Variants in RBM26 observed in about 807,000 individuals in gnomAD.
RBM26 encodes the protein RNA-binding protein 26.
Under a neutral mutation model 123.6 loss-of-function variants are expected in RBM26, and 30 were observed. The observed-to-expected ratio is 0.24, with a 90% CI of 0.18 to 0.33. The LOEUF is 0.33. Ranked by LOEUF, RBM26 falls within the 10% of genes least tolerant of loss-of-function variation. The pLI, the probability that RBM26 is intolerant of heterozygous loss-of-function variation, is 1.00. For missense variants in RBM26, 947 were observed against 1,203.6 expected (o/e 0.79, Z 3.15); for synonymous variants, 400 against 404.4 (o/e 0.99, Z 0.13).
At chr13:79,390,459 AGAAAT>A (rs1425148720) in intron 1 of RBM26, among the ~76,000 whole-genome samples, 7 of 152,194 alleles carry the variant, frequency 4.6e-5, no homozygotes, top group Non-Finnish European at 8.8e-5. Context: ...GCATGGGAAA[AGAAAT>A]GAGTAAATTT....
At chr13:79,320,751 AAAAAAG>A in intron 21 of RBM26, 41 bp from the exon 22 acceptor site, 1 of 1,460,280 alleles carries the variant, frequency 6.8e-7, no homozygotes, top group South Asian at 1.3e-5. Context: ...CCAAAAAAAA[AAAAAAG>A]AAAAGAAAAA....
At chr13:79,327,449 C>T (rs12875039) in intron 20 of RBM26, among the ~76,000 whole-genome samples, 72,577 of 151,792 alleles carry the variant, frequency 0.48, 17,936 homozygotes, top group East Asian at 0.72. Flanking sequence ...CTATTATTAT[C>T]GATGTTTTTA....
At chr13:79,316,359 C>A (rs895414723), downstream of RBM26, among the ~76,000 whole-genome samples, 2 of 151,544 alleles carry the variant, frequency 1.3e-5, no homozygotes, top group Non-Finnish European at 3.0e-5. Flanking sequence ...TCTAAAATAG[C>A]CAGTGATATT....
chr13:79,393,618 A>C (rs1033795003), intron 1 of RBM26, among the ~76,000 whole-genome samples: 3 of 152,004 alleles, frequency 2.0e-5, no homozygotes, highest in Non-Finnish European at 4.4e-5. Flanking sequence ...CAACCCCCAT[A>C]CAGTTTTCTT....
At chr13:79,370,551 G>A (rs982078461) in intron 5 of RBM26, among the ~76,000 whole-genome samples, 2 of 152,178 alleles carry the variant, frequency 1.3e-5, no homozygotes, top group Non-Finnish European at 2.9e-5. Flanking sequence ...ATGAACCTTT[G>A]TGAACAAACA....
intron 18 of RBM26, among the ~76,000 whole-genome samples, chr13:79,340,736 A>G (rs2139075000): frequency 6.6e-6 from 1 of 152,104 alleles, no homozygotes; most frequent in East Asian, 1.9e-4. Flanking sequence ...AGTTCTCAAT[A>G]TAGTTCTCCA....
chr13:79,333,926 G>A (rs544550611), intron 20 of RBM26, among the ~76,000 whole-genome samples: 1 of 152,252 alleles, frequency 6.6e-6, no homozygotes, highest in South Asian at 2.1e-4. Flanking sequence ...CCAGGAAGCA[G>A]TAGATGAGGA....
At position 79,358,423 on chromosome 13, in the gene RBM26, T is replaced by C; in HGVS notation, c.1540A>G (p.Asn514Asp). The change falls in exon 11 of 22, where the codon AAT (asparagine) becomes GAT (aspartate). Residue 514 changes from asparagine (N) to aspartate (D), a missense_variant. Asn to Asp is a conservative substitution (Grantham distance 23). Around this residue, in one of 5 missense-constraint regions of RBM26, gnomAD observed 493 missense variants for 563.1 expected, o/e 0.88. Coordinates refer to ENST00000438737, the MANE Select transcript of RBM26 (RefSeq NM_001366735.2). ...KKTWFDKPNF[N>D]RTNSPGFQKK... is the part of the protein sequence containing the mutation. ...TGAAAGCCTGGGCTGTTTGTTCTATTAAAATTTGGTCTGCAAACAAAATTC... is the reference window on the plus strand; with the variant it reads ...TGAAAGCCTGGGCTGTTTGTTCTATCAAAATTTGGTCTGCAAACAAAATTC... The C allele has an allele frequency of 6.2e-7, 1 of 1,607,784 alleles. No individual in the cohort carries two copies. The highest frequency in any genetic ancestry group is 2.3e-5 in the East Asian group (1 of 44,428).
chr13:79,356,843 G>A (rs1384150705), intron 11 of RBM26, among the ~76,000 whole-genome samples: 2 of 152,138 alleles, frequency 1.3e-5, no homozygotes, highest in Non-Finnish European at 1.5e-5. Flanking sequence ...AAGCAATAGT[G>A]AGGTATGTTT....
chr13:79,328,626 C>A (rs1254592418), intron 20 of RBM26, among the ~76,000 whole-genome samples: 1 of 95,786 alleles, frequency 1.0e-5, no homozygotes. Context: ...AATGAAAATT[C>A]ATAAAAATAT....
At chr13:79,397,657 G>A (rs908762077) in intron 1 of RBM26, among the ~76,000 whole-genome samples, 2 of 131,362 alleles carry the variant, frequency 1.5e-5, no homozygotes, top group African/African-American at 5.8e-5. Context: ...AATCCAGCCT[G>A]GGCAACAAAC....
chr13:79,367,430 A>G (rs796191989), intron 6 of RBM26, among the ~76,000 whole-genome samples: 5,718 of 46,976 alleles, frequency 0.12, 430 homozygotes, highest in African/African-American at 0.26. Context: ...AAAAAAAAAA[A>G]AAGAAGAAGA....
At chr13:79,346,762 A>G (rs1476001865) in intron 14 of RBM26, among the ~76,000 whole-genome samples, 4 of 152,198 alleles carry the variant, frequency 2.6e-5, no homozygotes, top group Non-Finnish European at 5.9e-5. Flanking sequence ...CTACCTAACC[A>G]CAGCACAAAA....
intron 3 of RBM26, among the ~76,000 whole-genome samples, chr13:79,372,598 G>A (rs947226646): frequency 2.7e-5 from 4 of 148,976 alleles, no homozygotes; most frequent in African/African-American, 4.9e-5. Context: ...TTTTGGTTTC[G>A]TGGACTTGGT....
Position 79,368,760 on chromosome 13 carries a change from T to C in RBM26, c.865A>G (p.Met289Val). 1.2e-6 allele frequency: 2 copies of C among 1,613,986 alleles called. No homozygotes were observed. Among genetic ancestry groups the C allele is most frequent in the Non-Finnish European group, 1.7e-6 (2 of 1,179,894 alleles). The change falls in exon 6 of 22, where the codon ATG becomes GTG. Residue 289 changes from methionine to valine, a missense_variant. Coordinates refer to ENST00000438737, the MANE Select transcript of RBM26 (RefSeq NM_001366735.2). The stretch of plus-strand genomic sequence containing the variant: ...TAGTCTCTACACCGTTTCTTTGGCA[T>C]GGGTGGTCTTACGTAAGAGTTATGG... ...VDHNSYVRPP[M>V]PKKRCRDYDE...
chr13:79,322,270 T>G, intron 21 of RBM26, 79 bp downstream of exon 21: 2 of 906,818 alleles, frequency 2.2e-6, no homozygotes, highest in Non-Finnish European at 3.3e-6. Context: ...TATGTTAAAA[T>G]CACGGCCATA....
intron 5 of RBM26, among the ~76,000 whole-genome samples, chr13:79,370,610 A>G (rs1279490352): frequency 1.3e-5 from 2 of 152,248 alleles, no homozygotes; most frequent in East Asian, 1.9e-4. Context: ...AGTAAGAAGT[A>G]GAATAGCGGA....
rs190806575 is a variant in RBM26 at position 79,359,019 on chromosome 13, T to A, written c.1529+556A>T. Among the ~76,000 whole-genome samples, 524 of 152,356 alleles carry A rather than the reference T, an allele frequency of 3.4e-3. 4 individuals are homozygous for A. The highest frequency in any genetic ancestry group is 0.012 in the African/African-American group (504 of 41,590). ...CAACTAGAAACTATCCATTATTAAG[T>A]AGATGTTAAAGCTCTAAAAGTGATC... On this transcript the variant is annotated intron_variant, in intron 10 of 21. Coordinates refer to ENST00000438737, the MANE Select transcript of RBM26 (RefSeq NM_001366735.2).
At position 79,331,520 on chromosome 13, in the gene RBM26, G is replaced by C. The variant is rs892913046; in HGVS notation, c.2820+2824C>G. On this transcript the variant is annotated intron_variant, in intron 20 of 21. Coordinates refer to ENST00000438737, the MANE Select transcript of RBM26 (RefSeq NM_001366735.2). ...GTGGTGGCAGGCACCTCTAGTCCCAGCTACTCGGGAGGCTGAGGCAGGAGA... is the reference window on the plus strand; with the variant it reads ...GTGGTGGCAGGCACCTCTAGTCCCACCTACTCGGGAGGCTGAGGCAGGAGA... 5.3e-5 allele frequency among the ~76,000 whole-genome samples: 8 copies of C among 150,322 alleles called. 1 individual carries two copies. The highest frequency in any genetic ancestry group is 2.0e-4 in the African/African-American group (8 of 40,970).
Sources: gnomAD v4.1 joint callset for allele counts (sites outside exome capture counted in the v4.1 genomes callset) on GRCh38, gnomAD v4.1.1 for gene constraint, gnomAD v4.1.1 regional missense constraint, MANE v1.5 for transcripts, NCBI Gene and HGNC (gene_info 2026-07-23, HGNC 2026-07-21) for gene names.